Variants in SUCLG2 observed in about 807,000 individuals in gnomAD.
The protein encoded by SUCLG2 is succinate--CoA ligase [GDP-forming] subunit beta, mitochondrial.
SUCLG2 carries 42 observed loss-of-function variants against 47.9 expected under a neutral mutation model. The observed-to-expected ratio is 0.88, with a 90% CI of 0.69 to 1.14. SUCLG2 has a LOEUF of 1.14. Ranked by LOEUF, SUCLG2 falls within the 50% of genes most tolerant of loss-of-function variation. SUCLG2 has a pLI of 0.00. For synonymous variants in SUCLG2, 195 were observed against 197.3 expected (o/e 0.99, Z 0.10); for missense variants, 571 against 525.9 (o/e 1.09, Z -0.84).
At position 67,609,714 on chromosome 3, in the gene SUCLG2, G is replaced by C. The variant is rs1700494248; in HGVS notation, c.85-118C>G. 4.3e-6 allele frequency: 4 copies of C among 927,260 alleles called. No homozygotes were observed. In the South Asian group the frequency reaches 7.2e-5, roughly 17 times the overall value. The allele number at this position is 927,260 out of a possible 1,614,324, so 57.4% of individuals were successfully genotyped here. ...CTGGCAATCTGCAACCCAGAGTTGA[G>C]AGAAGCAAAAGAAAAAAAAAACCCA... On this transcript the variant is annotated intron_variant, in intron 1 of 10. Coordinates refer to ENST00000307227, the MANE Select transcript of SUCLG2 (RefSeq NM_003848.4).
At chr3:67,484,695 T>C (rs538613710) in intron 9 of SUCLG2, among the ~76,000 whole-genome samples, 1 of 152,206 alleles carries the variant, frequency 6.6e-6, no homozygotes, top group African/African-American at 2.4e-5. Context: ...AGTGAATAAA[T>C]AAAGAGATTA....
At chr3:67,547,958 C>T (rs1185019254) in intron 2 of SUCLG2, among the ~76,000 whole-genome samples, 1 of 152,178 alleles carries the variant, frequency 6.6e-6, no homozygotes, top group Non-Finnish European at 1.5e-5. Flanking sequence ...TGATGCAAAA[C>T]AAAATCGCCT....
At chr3:67,549,946 G>A (rs774480896) in intron 2 of SUCLG2, among the ~76,000 whole-genome samples, 3 of 152,032 alleles carry the variant, frequency 2.0e-5, no homozygotes, top group Non-Finnish European at 4.4e-5. Flanking sequence ...AGCTTATTAC[G>A]TATTAGATTA....
At chr3:67,562,054 G>A (rs932746533) in intron 2 of SUCLG2, among the ~76,000 whole-genome samples, 7 of 152,078 alleles carry the variant, frequency 4.6e-5, no homozygotes, top group African/African-American at 1.7e-4. Context: ...CTGCATTTTT[G>A]ATGGGGGAAA....
intron 2 of SUCLG2, among the ~76,000 whole-genome samples, chr3:67,597,725 G>T (rs955089638): frequency 1.3e-5 from 2 of 152,010 alleles, no homozygotes; most frequent in African/African-American, 2.4e-5. Context: ...GGATCACAAG[G>T]TCAGGAGTTC....
chr3:67,389,290 C>G (rs1441301125), intron 10 of SUCLG2, among the ~76,000 whole-genome samples: 2 of 151,888 alleles, frequency 1.3e-5, no homozygotes, highest in African/African-American at 4.8e-5. Flanking sequence ...CAATAGAGAG[C>G]GTGGGAGAGG....
intron 2 of SUCLG2, among the ~76,000 whole-genome samples, chr3:67,608,078 G>C (rs964111430): frequency 6.6e-6 from 1 of 152,216 alleles, no homozygotes; most frequent in Non-Finnish European, 1.5e-5. Flanking sequence ...GGCAAGGACG[G>C]AGAAGGTACT....
chr3:67,499,400 T>C (rs1278290464), intron 7 of SUCLG2, among the ~76,000 whole-genome samples: 1 of 152,156 alleles, frequency 6.6e-6, no homozygotes, highest in Non-Finnish European at 1.5e-5. Flanking sequence ...CTTATGGTGC[T>C]TCAGATTCAA....
chr3:67,487,189 G>A (rs1210532473), intron 9 of SUCLG2, among the ~76,000 whole-genome samples: 1 of 151,818 alleles, frequency 6.6e-6, no homozygotes, highest in African/African-American at 2.4e-5. Context: ...TGTTTCCTTT[G>A]TGGGAGGGGT....
chr3:67,571,847 A>C (rs777697657), intron 2 of SUCLG2, among the ~76,000 whole-genome samples: 10 of 152,230 alleles, frequency 6.6e-5, no homozygotes, highest in African/African-American at 9.6e-5. Context: ...CTTTCTATGC[A>C]AAATTTGTCT....
At chr3:67,645,939 C>T (rs1417948662) in intron 1 of SUCLG2, among the ~76,000 whole-genome samples, 1 of 151,316 alleles carries the variant, frequency 6.6e-6, no homozygotes, top group Non-Finnish European at 1.5e-5. Flanking sequence ...AAAATAGTTC[C>T]TTATAAAAAT....
chr3:67,615,288 C>T (rs553849168), intron 1 of SUCLG2, among the ~76,000 whole-genome samples: 11 of 151,702 alleles, frequency 7.3e-5, no homozygotes, highest in South Asian at 4.2e-4. Context: ...AATCATCCTT[C>T]GCCCCATGGT....
chr3:67,506,102 G>T (rs1231455367), intron 7 of SUCLG2, among the ~76,000 whole-genome samples: 1 of 152,176 alleles, frequency 6.6e-6, no homozygotes, highest in Non-Finnish European at 1.5e-5. Flanking sequence ...ATTTTACCGT[G>T]AAATGTTCTG....
chr3:67,559,817 T>C (rs1173945429), intron 2 of SUCLG2, among the ~76,000 whole-genome samples: 1 of 152,144 alleles, frequency 6.6e-6, no homozygotes, highest in Non-Finnish European at 1.5e-5. Context: ...TAATTAGACA[T>C]TTGTCCAAAC....
At chr3:67,466,652 T>C (rs1309567297) in intron 9 of SUCLG2, among the ~76,000 whole-genome samples, 3 of 152,224 alleles carry the variant, frequency 2.0e-5, no homozygotes, top group Non-Finnish European at 2.9e-5. Context: ...TTTGTCGCTA[T>C]CGATTTTTAT....
intron 5 of SUCLG2, 148 bp downstream of exon 5, chr3:67,520,334 T>C (rs1412450264): frequency 1.8e-6 from 2 of 1,122,628 alleles, no homozygotes; most frequent in East Asian, 2.4e-5. Context: ...TTCAACTGGA[T>C]ACCCAGAAAG....
chr3:67,385,206 G>A (rs1463660943), intron 10 of SUCLG2, among the ~76,000 whole-genome samples: 1 of 152,176 alleles, frequency 6.6e-6, no homozygotes, highest in African/African-American at 2.4e-5. Flanking sequence ...CTTAGGATAT[G>A]CGAGTCCTGG....
chr3:67,450,601 T>C (rs970424854), intron 9 of SUCLG2, among the ~76,000 whole-genome samples: 1 of 152,236 alleles, frequency 6.6e-6, no homozygotes, highest in Non-Finnish European at 1.5e-5. Flanking sequence ...CATCTGGCAT[T>C]TGCTGTATTT....
intron 1 of SUCLG2, among the ~76,000 whole-genome samples, chr3:67,652,534 G>C (rs943482325): frequency 6.6e-6 from 1 of 152,152 alleles, no homozygotes; most frequent in Non-Finnish European, 1.5e-5. Context: ...CCAAGAATTT[G>C]AAAATAGCAA....
Sources: gnomAD v4.1 joint callset for allele counts (sites outside exome capture counted in the v4.1 genomes callset) on GRCh38, gnomAD v4.1.1 for gene constraint, MANE v1.5 for transcripts, NCBI Gene and HGNC (gene_info 2026-07-23, HGNC 2026-07-21) for gene names.